The following MAP2K5 variants were observed in gnomAD, a reference collection of about 807,000 sequenced individuals.
MAP2K5 encodes dual specificity mitogen-activated protein kinase kinase 5.
Under a neutral mutation model 83.1 loss-of-function variants are expected in MAP2K5, and 49 were observed. The observed-to-expected ratio is 0.59, with a 90% CI of 0.47 to 0.75. MAP2K5 has a LOEUF of 0.75. Ranked by LOEUF, MAP2K5 falls within the 30% of genes least tolerant of loss-of-function variation. The probability of loss-of-function intolerance (pLI) is 0.00; values close to 1 mark genes in which losing one functional copy is unlikely to be tolerated. For synonymous variants in MAP2K5, 202 were observed against 191.8 expected, an observed-to-expected ratio of 1.05 and a Z score of -0.44; for missense variants, 457 against 557.5, an observed-to-expected ratio of 0.82 and a Z score of 1.82.
intron 17 of MAP2K5, among the ~76,000 whole-genome samples, chr15:67,729,343 A>C (rs959732807): frequency 1.3e-5 from 2 of 152,230 alleles, no homozygotes; most frequent in African/African-American, 4.8e-5. Flanking sequence ...ATATTTCTCA[A>C]ACAAATCTTA....
Position 67,599,142 on chromosome 15 carries a change from AT to A in MAP2K5, c.481-1539del, listed in dbSNP as rs1190704546. ...TTATCATTCGGTCCAGAATAATGAG[AT>A]TTTATTTTGTTTATGCCACACCTTT... On this transcript the variant is annotated intron_variant, in intron 7 of 21. Transcript: ENST00000178640. Among the ~76,000 whole-genome samples, 96 of 152,260 alleles carry A rather than the reference AT, an allele frequency of 6.3e-4. 1 individual carries two copies. The highest frequency in any genetic ancestry group is 2.3e-3 in the African/African-American group (94 of 41,558).
At chr15:67,798,728 ATCTATT>A (rs2090649817) in intron 21 of MAP2K5, among the ~76,000 whole-genome samples, 1 of 152,208 alleles carries the variant, frequency 6.6e-6, no homozygotes, top group South Asian at 2.1e-4. Flanking sequence ...GGGGAAAAAC[ATCTATT>A]TCTATAGCAA....
chr15:67,583,534 ACCTGT>A (rs1188068496), intron 4 of MAP2K5, among the ~76,000 whole-genome samples: 1 of 152,088 alleles, frequency 6.6e-6, no homozygotes, highest in African/African-American at 2.4e-5. Flanking sequence ...GCTTTTTGCT[ACCTGT>A]CTACATCGAA....
Position 67,783,861 on chromosome 15 carries a change from A to G in MAP2K5, c.1242+11109A>G, listed in dbSNP as rs892633682. 1.3e-5 allele frequency among the ~76,000 whole-genome samples: 2 copies of G among 152,184 alleles called. No individual in the cohort carries two copies. Among genetic ancestry groups the G allele is most frequent in the Admixed American group, 1.3e-4 (2 of 15,282 alleles). On this transcript the variant is annotated intron_variant, in intron 21 of 21. Coordinates refer to ENST00000178640, the MANE Select transcript of MAP2K5 (RefSeq NM_145160.3). This position sits in a 1 kb window ranked among gnomAD's most constrained non-coding sequence, Gnocchi z 5.1. ...ATGTGAGTATATTACTTTTCTGCAC[A>G]CAGATGTGAAAGGCAGCTTATATCA... is the stretch of plus-strand genomic sequence containing the variant.
intron 11 of MAP2K5, among the ~76,000 whole-genome samples, chr15:67,654,106 A>G (rs1655404918): frequency 6.6e-6 from 1 of 151,994 alleles, no homozygotes; most frequent in South Asian, 2.1e-4. Context: ...AGTTTTGTCC[A>G]TTTTTGAAAG....
chr15:67,704,849 T>A (rs1281207920), intron 16 of MAP2K5, among the ~76,000 whole-genome samples: 1 of 152,236 alleles, frequency 6.6e-6, no homozygotes, highest in East Asian at 1.9e-4. Context: ...ATTTTATAAA[T>A]GACTGGATAT....
intron 8 of MAP2K5, among the ~76,000 whole-genome samples, chr15:67,620,434 G>A (rs1335652435): frequency 6.6e-6 from 1 of 152,032 alleles, no homozygotes; most frequent in South Asian, 2.1e-4. Flanking sequence ...TTAAATAACT[G>A]TTGAAGAGAA....
chr15:67,598,216 A>G (rs1189911885), intron 7 of MAP2K5, among the ~76,000 whole-genome samples: 2 of 152,116 alleles, frequency 1.3e-5, no homozygotes, highest in Non-Finnish European at 2.9e-5. Flanking sequence ...AAAAAAAAAA[A>G]ACTAAAACTA....
intron 21 of MAP2K5, among the ~76,000 whole-genome samples, chr15:67,805,271 G>A (rs951908602): frequency 1.4e-4 from 21 of 152,334 alleles, no homozygotes; most frequent in African/African-American, 4.8e-4. Context: ...GAAGGTTGGG[G>A]GCGGGCACTG....
At chr15:67,727,064 T>C (rs2089112255) in intron 16 of MAP2K5, among the ~76,000 whole-genome samples, 1 of 151,992 alleles carries the variant, frequency 6.6e-6, no homozygotes. Context: ...CTGGGCATGA[T>C]GGTGTGCGCC....
At chr15:67,549,041 T>C in intron 1 of MAP2K5, 1 of 1,489,998 alleles carries the variant, frequency 6.7e-7, no homozygotes, top group Non-Finnish European at 8.9e-7. Context: ...GGAAAGGCTG[T>C]GGGCTCCCTG....
At position 67,697,214 on chromosome 15, in the gene MAP2K5, ATATTCATGCATACTTCTG is replaced by A. The variant is rs998020246; in HGVS notation, c.972+3650_972+3667del. 4.6e-5 allele frequency among the ~76,000 whole-genome samples: 7 copies of A among 152,318 alleles called. No individual in the cohort carries two copies. The South Asian group carries it at 6.2e-4, about 14-fold the overall frequency. On this transcript the variant is annotated intron_variant, in intron 15 of 21. Coordinates refer to ENST00000178640, the MANE Select transcript of MAP2K5 (RefSeq NM_145160.3). ...TCATTTTATGTATTTCCCTCACTTTATATTCATGCATACTTCTGTATAGTGATAATAACATCAGTAATA... is the reference window on the plus strand; with the variant it reads ...TCATTTTATGTATTTCCCTCACTTTATATAGTGATAATAACATCAGTAATA...
chr15:67,608,229 T>G (rs1007013137), intron 8 of MAP2K5, among the ~76,000 whole-genome samples: 3 of 152,168 alleles, frequency 2.0e-5, no homozygotes, highest in Non-Finnish European at 2.9e-5. Context: ...CTGTCACTTT[T>G]GGATTCTGGA....
intron 8 of MAP2K5, among the ~76,000 whole-genome samples, chr15:67,616,193 A>G (rs1032873389): frequency 5.9e-5 from 9 of 151,954 alleles, no homozygotes; most frequent in African/African-American, 9.7e-5. Flanking sequence ...ACACAGAGCA[A>G]AGAAGCATCA....
chr15:67,567,611 G>A (rs978289522), intron 3 of MAP2K5, among the ~76,000 whole-genome samples: 1 of 151,940 alleles, frequency 6.6e-6, no homozygotes, highest in Non-Finnish European at 1.5e-5. Context: ...TGATCCACCC[G>A]CCTCGGCCTC....
chr15:67,658,704 G>T, intron 12 of MAP2K5, 90 bp downstream of exon 12: 1 of 1,173,612 alleles, frequency 8.5e-7, no homozygotes, highest in Non-Finnish European at 1.3e-6. Flanking sequence ...GTTTTTTCTT[G>T]TTCTTCAATC....
chr15:67,705,896 A>G (rs2088539887), intron 16 of MAP2K5, among the ~76,000 whole-genome samples: 2 of 152,212 alleles, frequency 1.3e-5, no homozygotes, highest in Admixed American at 6.5e-5. Flanking sequence ...GAGAGAGACC[A>G]GTGTGACTTG....
At chr15:67,729,721 G>C (rs1037624278) in intron 17 of MAP2K5, among the ~76,000 whole-genome samples, 1 of 152,032 alleles carries the variant, frequency 6.6e-6, no homozygotes, top group Non-Finnish European at 1.5e-5. Context: ...CCGAGATCAC[G>C]CCACTGCACT....
chr15:67,689,147 C>T (rs751204059), intron 13 of MAP2K5, among the ~76,000 whole-genome samples: 3 of 152,058 alleles, frequency 2.0e-5, no homozygotes, highest in Non-Finnish European at 2.9e-5. Context: ...CCCTTTGACT[C>T]GGGAGGCTGA....
Sources: gnomAD v4.1 joint callset for allele counts (sites outside exome capture counted in the v4.1 genomes callset) on GRCh38, gnomAD v4.1.1 for gene constraint, Gnocchi (gnomAD v3.1) non-coding constraint, MANE v1.5 for transcripts, NCBI Gene and HGNC (gene_info 2026-07-23, HGNC 2026-07-21) for gene names.